The following KLHL18 variants were observed in gnomAD, a reference collection of about 807,000 sequenced individuals.
KLHL18 encodes the protein kelch-like protein 18.
A neutral mutation model predicts 58.5 loss-of-function variants in KLHL18; 38 were observed. That is an observed-to-expected ratio of 0.65 (90% CI 0.50 to 0.85). The LOEUF is 0.85. KLHL18 is among the 40% of genes least tolerant of loss of function. The probability of loss-of-function intolerance (pLI) is 0.00; values close to 1 mark genes in which losing one functional copy is unlikely to be tolerated. For synonymous variants in KLHL18, 303 were observed against 301.9 expected (o/e 1.00, Z -0.04); for missense variants, 624 against 778.4 (o/e 0.80, Z 2.36).
chr3:47,303,997 A>C (rs545923865), intron 1 of KLHL18, among the ~76,000 whole-genome samples: 1 of 152,198 alleles, frequency 6.6e-6, no homozygotes, highest in South Asian at 2.1e-4. Flanking sequence ...CCAAAGTTCA[A>C]CTTTTATTTT....
Position 47,343,913 on chromosome 3 carries a change from T to C in KLHL18, c.1697T>C (p.Val566Ala). The C allele has an allele frequency of 6.2e-7, 1 of 1,613,890 alleles. No individual in the cohort carries two copies. Among genetic ancestry groups the C allele is most frequent in the Non-Finnish European group, 8.5e-7 (1 of 1,179,966 alleles). Residue 566 changes from valine to alanine, a missense_variant, in exon 10 of 10, where the codon GTG becomes GCG. Transcript: ENST00000232766. ...GCGTGCCATGAGGGAGGGGTCGGTG[T>C]GGGCTGCATCCCTCTCCTCACCATC... ...PMACHEGGVG[V>A]GCIPLLTI
intron 8 of KLHL18, 109 bp downstream of exon 8, chr3:47,340,785 C>G: frequency 8.0e-7 from 1 of 1,242,996 alleles, no homozygotes; most frequent in East Asian, 2.5e-5. Context: ...GAATGTCTTA[C>G]CTTTTTGCCC....
chr3:47,324,283 TC>T (rs1374396994), intron 3 of KLHL18, among the ~76,000 whole-genome samples: 22 of 142,770 alleles, frequency 1.5e-4, no homozygotes, highest in African/African-American at 4.6e-4. Flanking sequence ...CTTCCTTTTT[TC>T]TTTTTCTTTC....
chr3:47,283,118 G>C (rs1238460994), intron 1 of KLHL18, 24 bp downstream of exon 1: 6 of 1,558,818 alleles, frequency 3.8e-6, no homozygotes, highest in Non-Finnish European at 4.3e-6. Flanking sequence ...GGCGGCAGCG[G>C]GCTGAGGGAA....
At chr3:47,309,043 C>G (rs1018470707) in intron 1 of KLHL18, among the ~76,000 whole-genome samples, 6 of 152,150 alleles carry the variant, frequency 3.9e-5, no homozygotes, top group African/African-American at 1.4e-4. Context: ...TCCATTTAAC[C>G]CTGAGTGGAC....
At chr3:47,324,326 T>C (rs1703665445) in intron 3 of KLHL18, among the ~76,000 whole-genome samples, 1 of 136,920 alleles carries the variant, frequency 7.3e-6, no homozygotes, top group Non-Finnish European at 1.6e-5. Context: ...TTTTTTTTTC[T>C]GTAAGGTAGA....
chr3:47,330,843 G>A (rs998748763), intron 4 of KLHL18, among the ~76,000 whole-genome samples: 8 of 152,108 alleles, frequency 5.3e-5, no homozygotes, highest in Admixed American at 1.3e-4. Context: ...CAATTCTCCC[G>A]CATCAACCTC....
At chr3:47,295,508 T>G (rs960295747) in intron 1 of KLHL18, among the ~76,000 whole-genome samples, 1 of 152,152 alleles carries the variant, frequency 6.6e-6, no homozygotes, top group Non-Finnish European at 1.5e-5. Context: ...TCTTCCATAT[T>G]TTCTTCCTTT....
At chr3:47,325,079 G>A (rs2107638061) in intron 3 of KLHL18, among the ~76,000 whole-genome samples, 1 of 152,226 alleles carries the variant, frequency 6.6e-6, no homozygotes, top group East Asian at 1.9e-4. Context: ...TATTGTCTCT[G>A]TTCCTTGGAA....
At chr3:47,335,519 T>G (rs1703964414) in intron 6 of KLHL18, among the ~76,000 whole-genome samples, 1 of 152,124 alleles carries the variant, frequency 6.6e-6, no homozygotes, top group Non-Finnish European at 1.5e-5. Context: ...TGTTTTTAAT[T>G]TTTTTGAGAT....
At chr3:47,308,598 C>A (rs771254858) in intron 1 of KLHL18, among the ~76,000 whole-genome samples, 22 of 152,262 alleles carry the variant, frequency 1.4e-4, no homozygotes, top group Non-Finnish European at 2.8e-4. Context: ...ACCATGTTGG[C>A]CAGGCTGGTC....
intron 7 of KLHL18, 58 bp from the exon 8 acceptor site, chr3:47,340,514 G>A: frequency 1.2e-6 from 2 of 1,611,690 alleles, no homozygotes; most frequent in Non-Finnish European, 1.7e-6. Flanking sequence ...CAGTGGGCAA[G>A]AGAGGCTGCT....
intron 1 of KLHL18, among the ~76,000 whole-genome samples, chr3:47,315,556 T>C (rs1703400901): frequency 6.6e-6 from 1 of 152,200 alleles, no homozygotes; most frequent in Admixed American, 6.5e-5. Context: ...GACTGGAAGA[T>C]CGTGCTCTGA....
chr3:47,335,322 G>T (rs1343736082), intron 6 of KLHL18, among the ~76,000 whole-genome samples: 3 of 152,094 alleles, frequency 2.0e-5, no homozygotes, highest in Admixed American at 1.3e-4. Context: ...AATACACAGG[G>T]TCTACCACTG....
chr3:47,330,152 A>T lies in KLHL18; in HGVS notation c.600+3A>T, dbSNP rs1332333147. 6.2e-7 allele frequency: 1 copy of T among 1,613,828 alleles called. No homozygotes were observed. The highest frequency in any genetic ancestry group is 8.5e-7 in the Non-Finnish European group (1 of 1,179,734). On this transcript the variant is annotated splice_donor_region_variant and intron_variant, in intron 4 of 9. Coordinates refer to ENST00000232766, the MANE Select transcript of KLHL18 (RefSeq NM_025010.5). The stretch of plus-strand genomic sequence containing the variant: ...TGAATGTCAAATCTGAGGAGCAGGT[A>T]TGTGAGCCCAGTAGCAGTCTGTGCA...
At chr3:47,298,016 C>T (rs1424794072) in intron 1 of KLHL18, among the ~76,000 whole-genome samples, 1 of 152,014 alleles carries the variant, frequency 6.6e-6, no homozygotes, top group Admixed American at 6.6e-5. Flanking sequence ...GATAAGAATC[C>T]AACCTGAGGG....
chr3:47,299,252 A>C (rs1702960848), intron 1 of KLHL18, among the ~76,000 whole-genome samples: 1 of 152,192 alleles, frequency 6.6e-6, no homozygotes, highest in Non-Finnish European at 1.5e-5. Context: ...TTTAGATGTG[A>C]TTAACATTTA....
rs541046095 is a variant in KLHL18 at position 47,317,137 on chromosome 3, G to C, written c.130-2516G>C. 2.0e-3 allele frequency among the ~76,000 whole-genome samples: 301 copies of C among 152,242 alleles called. 3 individuals are homozygous for C. The highest frequency in any genetic ancestry group is 6.6e-3 in the African/African-American group (274 of 41,530). Reference sequence around the variant, plus strand: ...GACACATTTTTATTTGTTTGAGATGGAATCTCGTTCTTCTTGCCCAGGCTG... The same window carrying C: ...GACACATTTTTATTTGTTTGAGATGCAATCTCGTTCTTCTTGCCCAGGCTG... On this transcript the variant is annotated intron_variant, in intron 1 of 9. Transcript: ENST00000232766.
chr3:47,320,701 T>C (rs1218219294), intron 2 of KLHL18, among the ~76,000 whole-genome samples: 1 of 152,150 alleles, frequency 6.6e-6, no homozygotes, highest in Non-Finnish European at 1.5e-5. Flanking sequence ...GAGGATTGCT[T>C]GAGGCTAGGA....
Sources: gnomAD v4.1 joint callset for allele counts (sites outside exome capture counted in the v4.1 genomes callset) on GRCh38, gnomAD v4.1.1 for gene constraint, MANE v1.5 for transcripts, NCBI Gene and HGNC (gene_info 2026-07-23, HGNC 2026-07-21) for gene names.